Variants in BAZ1A observed in about 807,000 individuals in gnomAD.
The protein encoded by BAZ1A is bromodomain adjacent to zinc finger domain 1A.
In BAZ1A, 50 loss-of-function variants were observed where a neutral mutation model predicts 185.2. The observed-to-expected ratio is 0.27, with a 90% CI of 0.22 to 0.34. The LOEUF is 0.34. Among genes scored for constraint, BAZ1A ranks in the 10% least tolerant of loss-of-function variants. BAZ1A has a pLI of 1.00. For synonymous variants in BAZ1A, 571 were observed against 615.6 expected (o/e 0.93, Z 1.07); for missense variants, 1,356 against 1,839.9 (o/e 0.74, Z 4.81).
chr14:34,813,256 A>G (rs931603033), intron 4 of BAZ1A, among the ~76,000 whole-genome samples: 1 of 151,940 alleles, frequency 6.6e-6, no homozygotes, highest in South Asian at 2.1e-4. Context: ...GTTGGATATG[A>G]TGGCATGTGT....
At chr14:34,840,902 T>C (rs1033170621) in intron 3 of BAZ1A, among the ~76,000 whole-genome samples, 3 of 152,216 alleles carry the variant, frequency 2.0e-5, no homozygotes, top group Non-Finnish European at 4.4e-5. Flanking sequence ...CATAACCTTT[T>C]CTTTTGTTTG....
Position 34,874,673 on chromosome 14 carries a change from T to G in BAZ1A, c.-58-11A>C. The stretch of plus-strand genomic sequence containing the variant: ...GCCGGCCCCGCTTCCCTATCAAAAT[T>G]GGAGGGAAAGGAAAGCCGGTAAGGT... On this transcript the variant is annotated splice_polypyrimidine_tract_variant and intron_variant, in intron 1 of 26. Coordinates refer to ENST00000360310, the MANE Select transcript of BAZ1A (RefSeq NM_013448.3). The surrounding 1 kb of genome is among the most constrained non-coding windows in gnomAD (Gnocchi z 4.7). 7.3e-7 allele frequency: 1 copy of G among 1,364,898 alleles called. No homozygotes were observed. The allele number at this position is 1,364,898 out of a possible 1,614,324, so 84.5% of individuals were successfully genotyped here.
At position 34,874,198 on chromosome 14, in the gene BAZ1A, G is replaced by A; in HGVS notation, c.113+294C>T. ...AGGCGGGGAGTTTCCGCCGCCCCGCGGCCAAGAGGGCGGGAGGGCGACAGC... is the reference window on the plus strand; with the variant it reads ...AGGCGGGGAGTTTCCGCCGCCCCGCAGCCAAGAGGGCGGGAGGGCGACAGC... On this transcript the variant is annotated intron_variant, in intron 2 of 26. Coordinates refer to ENST00000360310, the MANE Select transcript of BAZ1A (RefSeq NM_013448.3). This position sits in a 1 kb window ranked among gnomAD's most constrained non-coding sequence, Gnocchi z 4.7. 1 of 310,378 alleles carries A rather than the reference G, an allele frequency of 3.2e-6. No individual in the cohort carries two copies. The highest frequency in any genetic ancestry group is 6.0e-6 in the Non-Finnish European group (1 of 166,028). 19.2% of individuals were successfully genotyped at this position (310,378 alleles called of 1,614,324 possible). A position where few individuals can be genotyped will look rare whatever the true frequency, so the allele number is the denominator to read the frequency against.
chr14:34,856,277 A>G (rs2042675878), intron 3 of BAZ1A, among the ~76,000 whole-genome samples: 1 of 147,314 alleles, frequency 6.8e-6, no homozygotes. Flanking sequence ...TCTTAACTGA[A>G]CTCAAGAGCA....
intron 3 of BAZ1A, among the ~76,000 whole-genome samples, chr14:34,838,063 CA>C (rs1410187496): frequency 2.0e-5 from 3 of 152,174 alleles, no homozygotes; most frequent in Non-Finnish European, 4.4e-5. Flanking sequence ...GATGATGAAG[CA>C]GAAAACAAAT....
intron 11 of BAZ1A, 56 bp downstream of exon 11, chr14:34,794,693 A>C (rs952867405): frequency 3.9e-6 from 6 of 1,554,816 alleles, no homozygotes; most frequent in Non-Finnish European, 5.2e-6. Context: ...TGTTTTTTTA[A>C]AGCCACTAAT....
chr14:34,760,125 C>T (rs983480292), intron 24 of BAZ1A, among the ~76,000 whole-genome samples: 1 of 152,200 alleles, frequency 6.6e-6, no homozygotes, highest in Non-Finnish European at 1.5e-5. Context: ...TATAAATTCT[C>T]TCCTTGCAGT....
At position 34,825,447 on chromosome 14, in the gene BAZ1A, C is replaced by CAAAAAAAAAAAAAA. The variant is rs35449855; in HGVS notation, c.536+552_536+565dup. On this transcript the variant is annotated intron_variant, in intron 4 of 26. Coordinates refer to ENST00000360310, the MANE Select transcript of BAZ1A (RefSeq NM_013448.3). ...GGGCAACAAGATGGAAACTCTGTCT[C>CAAAAAAAAAAAAAA]AAAAAAAAAAAAAAAAAAAAAAAAA... is the stretch of plus-strand genomic sequence containing the variant. 4.3e-4 allele frequency among the ~76,000 whole-genome samples: 24 copies of CAAAAAAAAAAAAAA among 55,422 alleles called. 1 individual carries two copies. Among genetic ancestry groups the CAAAAAAAAAAAAAA allele is most frequent in the Non-Finnish European group, 5.7e-4 (17 of 29,582 alleles). 36.4% of individuals were successfully genotyped at this position (55,422 alleles called of 152,430 possible). A position where few individuals can be genotyped will look rare whatever the true frequency, so the allele number is the denominator to read the frequency against.
chr14:34,858,399 C>A (rs923355511), intron 3 of BAZ1A, among the ~76,000 whole-genome samples: 1 of 152,250 alleles, frequency 6.6e-6, no homozygotes, highest in Middle Eastern at 3.4e-3. Context: ...GAATTATAGG[C>A]ACATGCCTGT....
At chr14:34,778,689 TATCTC>T (rs1879830845) in intron 17 of BAZ1A, among the ~76,000 whole-genome samples, 1 of 152,174 alleles carries the variant, frequency 6.6e-6, no homozygotes, top group Non-Finnish European at 1.5e-5. Context: ...AAATTGTGTA[TATCTC>T]ATCTTTAAAT....
rs576416840 is a variant in BAZ1A at position 34,784,514 on chromosome 14, T to TG, written c.1832-588_1832-587insC. ...ATTACAAATTGGTTTTCAAGTTTTT[T>TG]TTTGTTTGTTTTTGTTTTTTTGAGA... On this transcript the variant is annotated intron_variant, in intron 14 of 26. Transcript: ENST00000360310. 3.8e-3 allele frequency among the ~76,000 whole-genome samples: 584 copies of TG among 152,168 alleles called. 3 individuals are homozygous for TG. The highest frequency in any genetic ancestry group is 6.1e-3 in the Non-Finnish European group (414 of 67,994).
At chr14:34,815,857 G>A (rs1424882633) in intron 4 of BAZ1A, among the ~76,000 whole-genome samples, 3 of 152,016 alleles carry the variant, frequency 2.0e-5, no homozygotes, top group African/African-American at 7.2e-5. Context: ...ATTAGGCACA[G>A]GAGATATATA....
chr14:34,798,188 T>G (rs946561974), intron 9 of BAZ1A, among the ~76,000 whole-genome samples: 4 of 152,214 alleles, frequency 2.6e-5, no homozygotes, highest in African/African-American at 4.8e-5. Context: ...ACAAAGCTGC[T>G]GGGAAAGCTC....
chr14:34,778,778 C>T (rs1879837253), intron 17 of BAZ1A, among the ~76,000 whole-genome samples: 1 of 152,154 alleles, frequency 6.6e-6, no homozygotes, highest in Admixed American at 6.5e-5. Flanking sequence ...TTATAAAAAT[C>T]AATTTCAACA....
At chr14:34,819,140 CAAAAAAAAAAAA>C (rs71121223) in intron 4 of BAZ1A, among the ~76,000 whole-genome samples, 4 of 72,790 alleles carry the variant, frequency 5.5e-5, no homozygotes, top group South Asian at 6.0e-4. Flanking sequence ...GACTCTGTCT[CAAAAAAAAAAAA>C]AAAAAAAAAA....
intron 11 of BAZ1A, among the ~76,000 whole-genome samples, chr14:34,793,956 G>GAAAAAAAGAAA (rs764487554): frequency 6.7e-6 from 1 of 148,420 alleles, no homozygotes; most frequent in Non-Finnish European, 1.5e-5. Context: ...AGAAAAAAAA[G>GAAAAAAAGAAA]AAAAAAAGAA....
chr14:34,778,192 T>TACC (rs1259415048), intron 17 of BAZ1A, among the ~76,000 whole-genome samples: 1 of 152,204 alleles, frequency 6.6e-6, no homozygotes, highest in African/African-American at 2.4e-5. Context: ...GCACTGTGTG[T>TACC]ACCCTCTGGA....
At chr14:34,786,470 G>A (rs751563466) in intron 12 of BAZ1A, 1 of 390,742 alleles carries the variant, frequency 2.6e-6, no homozygotes, top group Non-Finnish European at 4.6e-6. Flanking sequence ...TTACCAATGA[G>A]ACGCACATAA....
chr14:34,835,833 A>T (rs1179537099), intron 3 of BAZ1A, among the ~76,000 whole-genome samples: 3 of 151,256 alleles, frequency 2.0e-5, no homozygotes, highest in Non-Finnish European at 2.9e-5. Context: ...CACCACGCCC[A>T]GCTAATTTTG....
Sources: gnomAD v4.1 joint callset for allele counts (sites outside exome capture counted in the v4.1 genomes callset) on GRCh38, gnomAD v4.1.1 for gene constraint, Gnocchi (gnomAD v3.1) non-coding constraint, MANE v1.5 for transcripts, NCBI Gene and HGNC (gene_info 2026-07-23, HGNC 2026-07-21) for gene names.